PDLIM2: variants seen among roughly 807,000 people sequenced by gnomAD.
PDLIM2 encodes the protein PDZ and LIM domain 2, also known as PDZ and LIM domain protein 2.
In PDLIM2, 51 loss-of-function variants were observed where a neutral mutation model predicts 54.1. The observed-to-expected ratio is 0.94, with a 90% CI of 0.75 to 1.19. The LOEUF (loss-of-function observed/expected upper bound fraction) is 1.19, where lower values mean the gene tolerates loss of function less well. Among genes scored for constraint, PDLIM2 ranks in the 50% most tolerant of loss-of-function variants. The probability of loss-of-function intolerance (pLI) is 0.00; values close to 1 mark genes in which losing one functional copy is unlikely to be tolerated. For synonymous variants in PDLIM2, 398 were observed against 385.6 expected (o/e 1.03, Z -0.38); for missense variants, 912 against 874.0 (o/e 1.04, Z -0.55).
intron 3 of PDLIM2, among the ~76,000 whole-genome samples, chr8:22,581,860 G>C (rs1800214729): frequency 1.3e-5 from 2 of 152,252 alleles, no homozygotes; most frequent in African/African-American, 4.8e-5. Context: ...GCATGAAGTG[G>C]GTTGAAGAGG....
intron 3 of PDLIM2, among the ~76,000 whole-genome samples, chr8:22,582,163 C>A (rs1218832664): frequency 6.6e-6 from 1 of 152,168 alleles, no homozygotes; most frequent in Non-Finnish European, 1.5e-5. Context: ...ATCGGGAATG[C>A]CAGGAGATCC....
chr8:22,585,549 C>A (rs1825760466), intron 6 of PDLIM2, 150 bp downstream of exon 5: 1 of 693,496 alleles, frequency 1.4e-6, no homozygotes, highest in Admixed American at 3.0e-5. Flanking sequence ...GCTCCTGAGC[C>A]AGGGAGGCCA....
intron 8 of PDLIM2, chr8:22,590,907 A>C (rs1017237331): frequency 6.5e-6 from 1 of 154,146 alleles, no homozygotes; most frequent in Non-Finnish European, 1.4e-5. Flanking sequence ...CCATATGGAC[A>C]GGGCACACCT....
At chr8:22,582,191 T>C (rs1586919684) in intron 3 of PDLIM2, among the ~76,000 whole-genome samples, 1 of 152,326 alleles carries the variant, frequency 6.6e-6, no homozygotes, top group East Asian at 1.9e-4. Context: ...AGGAGAGCCC[T>C]CTGCACGGGC....
chr8:22,589,471 C>A, intron 7 of PDLIM2, 97 bp downstream of exon 6: 1 of 1,528,110 alleles, frequency 6.5e-7, no homozygotes, highest in African/African-American at 1.4e-5. Context: ...GTCCCCCAAG[C>A]CCAGTTGGCT....
chr8:22,579,046 T>C (rs981944042), exon 1 of PDLIM2: 6 of 1,240,330 alleles, frequency 4.8e-6, no homozygotes, highest in Non-Finnish European at 4.0e-6. Context: ...AGGCGGCGGC[T>C]TCTCGGGCTA....
At chr8:22,591,455 A>T (rs560696553) in intron 8 of PDLIM2, 96 bp from the exon 8 acceptor site, 1 of 1,092,358 alleles carries the variant, frequency 9.2e-7, no homozygotes, top group African/African-American at 1.5e-5. Context: ...GGTTTCTCTT[A>T]TAAGGGTGCT....
chr8:22,596,593 C>G (rs1348067865), downstream of PDLIM2: 1 of 152,282 alleles, frequency 6.6e-6, no homozygotes, highest in African/African-American at 2.4e-5. Context: ...CGGACTTTGT[C>G]CAGTGCAGTG....
At chr8:22,584,975 G>A (rs11988357) in intron 4 of PDLIM2, 42 bp from the exon 4 acceptor site, 233 of 1,613,120 alleles carry the variant, frequency 1.4e-4, no homozygotes, top group Non-Finnish European at 1.7e-4. Context: ...CGGCCTTGGC[G>A]GGGCAGCCCT....
chr8:22,589,271 T>C, intron 6 of PDLIM2, 27 bp from the exon 6 acceptor site: 2 of 1,533,216 alleles, frequency 1.3e-6, no homozygotes, highest in Non-Finnish European at 1.7e-6. Context: ...TGGCCCTGAC[T>C]CCTCCCCGGC....
In PDLIM2 at chr8:22,585,413, G is replaced by T. The variant is rs767168163; in HGVS notation, c.1290+14G>T. On this transcript the variant is annotated intron_variant, in intron 6 of 9. Coordinates refer to ENST00000308354, the Ensembl canonical transcript of PDLIM2. Reference sequence around the variant, plus strand: ...GGAAGCCGACAGGTGAGGCTCCCTGGGGGAGGACAGGCTGGAGGAACAGAA... The same window carrying T: ...GGAAGCCGACAGGTGAGGCTCCCTGTGGGAGGACAGGCTGGAGGAACAGAA... The T allele has an allele frequency of 6.3e-7, 1 of 1,599,706 alleles. No individual in the cohort carries two copies. Among genetic ancestry groups the T allele is most frequent in the South Asian group, 1.1e-5 (1 of 89,366 alleles).
intron 1 of PDLIM2, chr8:22,579,748 C>A: frequency 2.2e-6 from 1 of 459,884 alleles, no homozygotes; most frequent in Non-Finnish European, 3.7e-6. Flanking sequence ...CGGCTTCCTG[C>A]CTGGATTGGC....
At chr8:22,579,354 GGGC>G (rs1563855239) in exon 1 of PDLIM2, 6 of 1,469,990 alleles carry the variant, frequency 4.1e-6, no homozygotes, top group Non-Finnish European at 5.4e-6. Flanking sequence ...GCATCAGCGG[GGGC>G]GCCCCCGCGA....
Position 22,593,847 on chromosome 8 carries a change from G to A in PDLIM2, c.1746G>A (p.Leu582=), listed in dbSNP as rs772697550. Reference sequence around the variant, plus strand: ...GGCACTTCTGGGTGGGTGACGAGCTGTACTGTGAGAAGCATGCCCGCCAGC... The same window carrying A: ...GGCACTTCTGGGTGGGTGACGAGCTATACTGTGAGAAGCATGCCCGCCAGC... The change falls in exon 10 of 10, where the codon CTG becomes CTA. Residue 582 remains leucine, a synonymous_variant. Transcript: ENST00000308354. 3 of 1,579,174 alleles carry A rather than the reference G, an allele frequency of 1.9e-6. No homozygotes were observed. In the Admixed American group the frequency reaches 5.5e-5, roughly 29 times the overall value.
At chr8:22,586,538 C>CCGACATG (rs1234412017) in intron 6 of PDLIM2, among the ~76,000 whole-genome samples, 1 of 151,926 alleles carries the variant, frequency 6.6e-6, no homozygotes, top group Non-Finnish European at 1.5e-5. Flanking sequence ...AGCAGGAGGC[C>CCGACATG]CGACATGCTG....
At chr8:22,590,803 G>A (rs1800521450) in intron 8 of PDLIM2, 1 of 152,608 alleles carries the variant, frequency 6.6e-6, no homozygotes, top group South Asian at 2.1e-4. Flanking sequence ...GAGCAGGGGA[G>A]TGGGGAGTAC....
In PDLIM2 at chr8:22,585,301, T is replaced by C; in HGVS notation, c.1212-20T>C. On this transcript the variant is annotated intron_variant, in intron 5 of 9. Transcript: ENST00000308354. ...GGCTGGGGGTGGCCCTGGCACACAC[T>C]GTCCCTTTCCCACTTTCAGCTTCCA... The C allele has an allele frequency of 1.2e-6, 2 of 1,612,638 alleles. No individual in the cohort carries two copies. The highest frequency in any genetic ancestry group is 1.7e-6 in the Non-Finnish European group (2 of 1,179,612).
At chr8:22,593,953 ATGCCTATATAAGTT>A (rs1800626489) in exon 10 of PDLIM2, 8 of 1,529,608 alleles carry the variant, frequency 5.2e-6, no homozygotes, top group Non-Finnish European at 7.0e-6. Flanking sequence ...GGCCAGGGTC[ATGCCTATATAAGTT>A]GGCATGGCAG....
At chr8:22,579,115 G>C in exon 1 of PDLIM2, 1 of 1,274,026 alleles carries the variant, frequency 7.8e-7, no homozygotes, top group South Asian at 2.8e-5. Context: ...CGGGAGCCCC[G>C]GGCGGGCTCT....
Sources: gnomAD v4.1 joint callset for allele counts (sites outside exome capture counted in the v4.1 genomes callset) on GRCh38, gnomAD v4.1.1 for gene constraint, MANE v1.5 for transcripts, NCBI Gene and HGNC (gene_info 2026-07-23, HGNC 2026-07-21) for gene names.